RANBP17: variants seen among roughly 807,000 people sequenced by gnomAD.
The protein encoded by RANBP17 is RAN binding protein 17.
RANBP17 carries 158 observed loss-of-function variants against 141.2 expected under a neutral mutation model. The observed-to-expected ratio is 1.12, with a 90% CI of 0.98 to 1.28. The LOEUF is 1.28. RANBP17 is among the 50% of genes most tolerant of loss of function. RANBP17 has a pLI of 0.00. For missense variants in RANBP17, 1,438 were observed against 1,290.7 expected (o/e 1.11, Z -1.75); for synonymous variants, 430 against 450.0 (o/e 0.96, Z 0.56).
chr5:171,072,397 A>G (rs554214470), intron 14 of RANBP17, among the ~76,000 whole-genome samples: 4 of 152,054 alleles, frequency 2.6e-5, no homozygotes, highest in Non-Finnish European at 5.9e-5. Flanking sequence ...ATTTGTGACA[A>G]TTTGTTACAG....
chr5:171,200,671 T>C (rs1762246410), intron 19 of RANBP17, among the ~76,000 whole-genome samples: 1 of 152,098 alleles, frequency 6.6e-6, no homozygotes, highest in South Asian at 2.1e-4. Flanking sequence ...ATCTTTTGCA[T>C]AGTGTCTCTT....
At chr5:171,187,897 C>T (rs1334055342) in intron 18 of RANBP17, among the ~76,000 whole-genome samples, 1 of 152,088 alleles carries the variant, frequency 6.6e-6, no homozygotes, top group Non-Finnish European at 1.5e-5. Flanking sequence ...TTCTTTGTTT[C>T]TCTTGAAGTC....
chr5:171,275,277 G>T (rs1393967293), intron 25 of RANBP17, among the ~76,000 whole-genome samples: 1 of 152,152 alleles, frequency 6.6e-6, no homozygotes, highest in Non-Finnish European at 1.5e-5. Flanking sequence ...ATTTAAATAT[G>T]TTACCATTTG....
intron 14 of RANBP17, among the ~76,000 whole-genome samples, chr5:171,057,096 C>T (rs139360938): frequency 2.5e-3 from 373 of 152,154 alleles, no homozygotes; most frequent in African/African-American, 8.3e-3. Flanking sequence ...TCATATAAAC[C>T]TTTTATAGCC....
chr5:171,293,638 A>T (rs1768640111), intron 25 of RANBP17, among the ~76,000 whole-genome samples: 1 of 152,212 alleles, frequency 6.6e-6, no homozygotes, highest in African/African-American at 2.4e-5. Context: ...ACTTATGCCC[A>T]TCTGGAATGT....
chr5:171,278,671 A>G (rs1581172736), intron 25 of RANBP17, among the ~76,000 whole-genome samples: 1 of 152,210 alleles, frequency 6.6e-6, no homozygotes, highest in Admixed American at 6.5e-5. Flanking sequence ...TGAGAGGCCA[A>G]GCAGCCCCAG....
At chr5:170,945,579 T>G (rs555590224) in intron 12 of RANBP17, among the ~76,000 whole-genome samples, 1 of 152,190 alleles carries the variant, frequency 6.6e-6, no homozygotes, top group East Asian at 1.9e-4. Flanking sequence ...TGTGTTCTTA[T>G]TAGCTAAATT....
chr5:170,945,660 T>C (rs1169519426), intron 12 of RANBP17, among the ~76,000 whole-genome samples: 2 of 152,090 alleles, frequency 1.3e-5, no homozygotes, highest in African/African-American at 4.8e-5. Context: ...ACATGCACGG[T>C]GAGGTCTTTG....
At chr5:171,143,028 T>C (rs770623374) in intron 14 of RANBP17, among the ~76,000 whole-genome samples, 2 of 152,222 alleles carry the variant, frequency 1.3e-5, no homozygotes, top group Non-Finnish European at 2.9e-5. Context: ...CATTGCAGTA[T>C]TTTGTACCTA....
intron 14 of RANBP17, among the ~76,000 whole-genome samples, chr5:171,076,720 G>A (rs1784947331): frequency 6.6e-6 from 1 of 152,140 alleles, no homozygotes; most frequent in African/African-American, 2.4e-5. Context: ...CATCTTGTAT[G>A]TAGAAAAGTC....
intron 2 of RANBP17, among the ~76,000 whole-genome samples, chr5:170,878,612 G>A (rs928549608): frequency 3.3e-5 from 5 of 152,084 alleles, no homozygotes; most frequent in Admixed American, 1.3e-4. Context: ...AGGATGATTC[G>A]AAAGCATGCT....
chr5:171,283,716 A>G (rs1226576555), intron 25 of RANBP17, among the ~76,000 whole-genome samples: 1 of 152,228 alleles, frequency 6.6e-6, no homozygotes, highest in East Asian at 1.9e-4. Flanking sequence ...TGTGAACCCT[A>G]AGCAGTGTGC....
intron 3 of RANBP17, among the ~76,000 whole-genome samples, chr5:170,891,537 A>G (rs1561860220): frequency 6.6e-6 from 1 of 152,200 alleles, no homozygotes; most frequent in Admixed American, 6.5e-5. Context: ...ATTTATAAAG[A>G]AAAGAGGTTT....
At chr5:170,975,271 G>A (rs745988657) in intron 14 of RANBP17, among the ~76,000 whole-genome samples, 1 of 152,200 alleles carries the variant, frequency 6.6e-6, no homozygotes, top group Non-Finnish European at 1.5e-5. Flanking sequence ...GCTCACACCT[G>A]TAATCCCAGC....
intron 24 of RANBP17, among the ~76,000 whole-genome samples, chr5:171,250,057 G>C (rs1171403134): frequency 6.6e-6 from 1 of 152,220 alleles, no homozygotes; most frequent in African/African-American, 2.4e-5. Context: ...CAGGCTAACA[G>C]TGGATTTCTC....
intron 12 of RANBP17, among the ~76,000 whole-genome samples, chr5:170,946,034 A>C (rs1424747517): frequency 1.3e-5 from 2 of 152,098 alleles, no homozygotes; most frequent in African/African-American, 4.8e-5. Context: ...CCCTTTTACC[A>C]ATCTTGAGAG....
intron 12 of RANBP17, among the ~76,000 whole-genome samples, chr5:170,933,308 C>T (rs983404446): frequency 6.6e-6 from 1 of 151,938 alleles, no homozygotes; most frequent in African/African-American, 2.4e-5. Context: ...CTCTTTTCTT[C>T]TTTATTAGTC....
rs571849587 is a variant in RANBP17 at position 171,178,410 on chromosome 5, C to T, written c.1866-4757C>T. Among the ~76,000 whole-genome samples, 11 of 152,084 alleles carry T rather than the reference C, an allele frequency of 7.2e-5. No homozygotes were observed. The South Asian group carries it at 1.7e-3, about 23-fold the overall frequency. On this transcript the variant is annotated intron_variant, in intron 16 of 27. Transcript: ENST00000523189. The stretch of plus-strand genomic sequence containing the variant: ...TGTATATGTGCACATTTTCTTTATC[C>T]GGTCTATCATTGATGGGCATTTGGG...
intron 20 of RANBP17, among the ~76,000 whole-genome samples, chr5:171,211,684 G>A (rs1383284327): frequency 8.0e-6 from 1 of 125,216 alleles, no homozygotes; most frequent in Non-Finnish European, 1.6e-5. Flanking sequence ...AACAATGCTT[G>A]TTATAGAATA....
Sources: allele counts gnomAD v4.1 joint callset (sites outside exome capture counted in the v4.1 genomes callset), GRCh38; gene constraint gnomAD v4.1.1; transcripts MANE v1.5; gene names NCBI Gene and HGNC (gene_info 2026-07-23, HGNC 2026-07-21).